NFIC: variants seen among roughly 807,000 people sequenced by gnomAD.
NFIC encodes the protein nuclear factor I C.
A neutral mutation model predicts 54.4 loss-of-function variants in NFIC; 12 were observed. The observed-to-expected ratio is 0.22, with a 90% CI of 0.14 to 0.36. The LOEUF (loss-of-function observed/expected upper bound fraction) is 0.36, where lower values mean the gene tolerates loss of function less well. NFIC is among the 10% of genes least tolerant of loss of function. NFIC has a pLI of 1.00. For synonymous variants in NFIC, 322 were observed against 319.2 expected (o/e 1.01, Z -0.09); for missense variants, 575 against 718.2 (o/e 0.80, Z 2.28).
intron 2 of NFIC, among the ~76,000 whole-genome samples, chr19:3,414,841 T>G (rs575866609): frequency 1.7e-3 from 262 of 152,052 alleles, no homozygotes; most frequent in African/African-American, 4.3e-3. Context: ...TTTTGTTTTT[T>G]TGTTTTTGTG....
intron 6 of NFIC, among the ~76,000 whole-genome samples, chr19:3,438,484 C>T (rs867193972): frequency 6.8e-6 from 1 of 146,546 alleles, no homozygotes. Context: ...GTCGCCCAGG[C>T]TGGAGTGCAG....
intron 2 of NFIC, among the ~76,000 whole-genome samples, chr19:3,385,723 C>A (rs865939592): frequency 1.3e-5 from 2 of 151,876 alleles, no homozygotes; most frequent in African/African-American, 4.8e-5. Flanking sequence ...CACATGCCCA[C>A]CACCACACCC....
chr19:3,372,710 G>GC (rs1568400904), intron 1 of NFIC, among the ~76,000 whole-genome samples: 3 of 149,264 alleles, frequency 2.0e-5, no homozygotes, highest in African/African-American at 7.4e-5. Context: ...CCAGGAGTGG[G>GC]GTGGGGGGGT....
chr19:3,456,786 C>T, intron 10 of NFIC, 151 bp downstream of exon 10: 1 of 746,584 alleles, frequency 1.3e-6, no homozygotes, highest in Middle Eastern at 2.4e-4. Context: ...GCCTCGAGCC[C>T]CCACCTGGCC....
At chr19:3,374,986 C>T (rs576450740) in intron 1 of NFIC, among the ~76,000 whole-genome samples, 2 of 152,052 alleles carry the variant, frequency 1.3e-5, no homozygotes, top group East Asian at 1.9e-4. Context: ...TCCCTGGCAC[C>T]TGTCCCCGGA....
chr19:3,446,856 AC>A (rs1476839470), intron 6 of NFIC, among the ~76,000 whole-genome samples: 1 of 151,530 alleles, frequency 6.6e-6, no homozygotes, highest in South Asian at 2.1e-4. Context: ...ACATAGCAAG[AC>A]CCCATCTCTA....
At chr19:3,413,748 C>T (rs537851348) in intron 2 of NFIC, among the ~76,000 whole-genome samples, 1 of 152,126 alleles carries the variant, frequency 6.6e-6, no homozygotes, top group African/African-American at 2.4e-5. Context: ...GCAATTCTCC[C>T]GTCTCAGCCT....
intron 2 of NFIC, among the ~76,000 whole-genome samples, chr19:3,423,260 G>A (rs938096028): frequency 1.3e-5 from 2 of 152,114 alleles, no homozygotes; most frequent in Non-Finnish European, 2.9e-5. Flanking sequence ...TCTCGTGATT[G>A]AGGTCTCCAA....
rs2082713436 is a variant in NFIC, at chr19:3,466,022, G to C, written c.*3253G>C. ...TGTCTTCCAGCTGTGAATATGAAGG[G>C]TATCCTGTATGAAACAAAAACAAAA... On this transcript the variant is annotated 3_prime_UTR_variant, in exon 11 of 11. Transcript: ENST00000443272. This position sits in a 1 kb window ranked among gnomAD's most constrained non-coding sequence, Gnocchi z 4.8. The C allele has an allele frequency of 6.6e-6, 1 of 151,980 alleles. No homozygotes were observed. The highest frequency in any genetic ancestry group is 2.1e-4 in the South Asian group (1 of 4,822). The allele number at this position is 151,980 out of a possible 1,614,324, so 9.4% of individuals were successfully genotyped here.
intron 2 of NFIC, among the ~76,000 whole-genome samples, chr19:3,395,101 G>C (rs999389684): frequency 6.6e-6 from 1 of 152,096 alleles, no homozygotes; most frequent in Non-Finnish European, 1.5e-5. Flanking sequence ...GCTCACACCT[G>C]TCATCCCAGC....
intron 1 of NFIC, among the ~76,000 whole-genome samples, chr19:3,379,048 A>AT (rs961307258): frequency 4.6e-5 from 7 of 151,782 alleles, no homozygotes; most frequent in Admixed American, 1.3e-4. Context: ...TTTCGTAGTC[A>AT]TTTTTTGTTT....
At chr19:3,460,323 G>A (rs1297380200) in intron 10 of NFIC, among the ~76,000 whole-genome samples, 1 of 152,168 alleles carries the variant, frequency 6.6e-6, no homozygotes, top group Non-Finnish European at 1.5e-5. Context: ...AGAAATGAGA[G>A]CCAGAGCCAG....
chr19:3,429,355 G>A (rs1485983855), intron 3 of NFIC, among the ~76,000 whole-genome samples: 1 of 148,864 alleles, frequency 6.7e-6, no homozygotes, highest in Non-Finnish European at 1.5e-5. Flanking sequence ...GAGGTGGGAG[G>A]ATCGCCTGAG....
At chr19:3,392,191 C>T (rs2081387072) in intron 2 of NFIC, among the ~76,000 whole-genome samples, 1 of 149,948 alleles carries the variant, frequency 6.7e-6, no homozygotes, top group African/African-American at 2.5e-5. Context: ...CCTGCCTCAA[C>T]CTCCCGAATA....
At chr19:3,419,211 A>C (rs1196469620) in intron 2 of NFIC, among the ~76,000 whole-genome samples, 2 of 152,192 alleles carry the variant, frequency 1.3e-5, no homozygotes, top group Non-Finnish European at 2.9e-5. Context: ...GTGCATGGAA[A>C]GTTGGTTCAA....
chr19:3,373,765 T>G (rs996102412), intron 1 of NFIC, among the ~76,000 whole-genome samples: 2 of 152,080 alleles, frequency 1.3e-5, no homozygotes, highest in African/African-American at 4.8e-5. Context: ...CAGATCTGGA[T>G]CCAGGTGAGG....
At position 3,452,721 on chromosome 19, in the gene NFIC, G is replaced by C; in HGVS notation, c.1269+55G>C. The C allele has an allele frequency of 6.5e-7, 1 of 1,529,418 alleles. No homozygotes were observed. Among genetic ancestry groups the C allele is most frequent in the Non-Finnish European group, 8.8e-7 (1 of 1,141,694 alleles). 94.7% of individuals were successfully genotyped at this position (1,529,418 alleles called of 1,614,324 possible). A position where few individuals can be genotyped will look rare whatever the true frequency, so the allele number is the denominator to read the frequency against. ...TCCTGGCGGCTCCAGGTGACCTCCC[G>C]GGGGCCACGTGCTCACACGAAGGCA... On this transcript the variant is annotated intron_variant, in intron 8 of 10. Coordinates refer to ENST00000443272, the MANE Select transcript of NFIC (RefSeq NM_001245002.2). The surrounding 1 kb of genome is among the most constrained non-coding windows in gnomAD (Gnocchi z 5.3).
At chr19:3,423,667 G>C (rs1316787061) in intron 2 of NFIC, among the ~76,000 whole-genome samples, 1 of 152,182 alleles carries the variant, frequency 6.6e-6, no homozygotes, top group Non-Finnish European at 1.5e-5. Flanking sequence ...TGAGCTCAGC[G>C]TCTGTCTGCC....
In NFIC at chr19:3,433,548, C is replaced by G; in HGVS notation, c.665C>G (p.Thr222Ser). ...ACCGACTTCCAGGAGAGCTTTGTCA[C>G]CTCCGGCGTGTTCAGCGTCACTGAG... is the stretch of plus-strand genomic sequence containing the variant. ...DTTDFQESFVTSGVFSVTELI... is the reference protein window; with the variant it reads ...DTTDFQESFVSSGVFSVTELI... Residue 222 changes from threonine to serine, a missense_variant, in exon 4 of 11, where the codon ACC (threonine) becomes AGC (serine). Physicochemically the swap from Thr to Ser is moderately conservative, Grantham distance 58. Transcript: ENST00000443272. 1 of 1,614,022 alleles carries G rather than the reference C, an allele frequency of 6.2e-7. No individual in the cohort carries two copies. Among genetic ancestry groups the G allele is most frequent in the Non-Finnish European group, 8.5e-7 (1 of 1,179,912 alleles).
Sources: gnomAD v4.1 joint callset for allele counts (sites outside exome capture counted in the v4.1 genomes callset) on GRCh38, gnomAD v4.1.1 for gene constraint, Gnocchi (gnomAD v3.1) non-coding constraint, MANE v1.5 for transcripts, NCBI Gene and HGNC (gene_info 2026-07-23, HGNC 2026-07-21) for gene names.